The following LRRFIP2 variants were observed in gnomAD, a reference collection of about 807,000 sequenced individuals.
The protein encoded by LRRFIP2 is leucine-rich repeat flightless-interacting protein 2.
LRRFIP2 carries 109 observed loss-of-function variants against 125.9 expected under a neutral mutation model. That is an observed-to-expected ratio of 0.87 (90% CI 0.74 to 1.01). LRRFIP2 has a LOEUF of 1.01. Ranked by LOEUF, LRRFIP2 falls within the 50% of genes least tolerant of loss-of-function variation. LRRFIP2 has a pLI of 0.00. For synonymous variants in LRRFIP2, 291 were observed against 293.1 expected (o/e 0.99, Z 0.07); for missense variants, 850 against 862.3 (o/e 0.99, Z 0.18).
chr3:37,100,761 T>C (rs1326718449), intron 15 of LRRFIP2, among the ~76,000 whole-genome samples: 1 of 152,162 alleles, frequency 6.6e-6, no homozygotes. Context: ...TAATTGTCCA[T>C]ACTTATGGGG....
chr3:37,152,345 T>C (rs751804510), intron 1 of LRRFIP2, among the ~76,000 whole-genome samples: 15 of 152,150 alleles, frequency 9.9e-5, no homozygotes, highest in Admixed American at 6.5e-4. Flanking sequence ...GGGTACACCA[T>C]AAACTGCTTG....
At chr3:37,110,250 T>TTGTA (rs2094500794) in intron 9 of LRRFIP2, among the ~76,000 whole-genome samples, 1 of 152,232 alleles carries the variant, frequency 6.6e-6, no homozygotes, top group Non-Finnish European at 1.5e-5. Flanking sequence ...ATTAGATAAA[T>TTGTA]TGTACTAGTC....
intron 2 of LRRFIP2, among the ~76,000 whole-genome samples, chr3:37,144,941 A>T (rs926811717): frequency 9.2e-5 from 14 of 152,170 alleles, no homozygotes; most frequent in African/African-American, 3.4e-4. Flanking sequence ...GGTAGCAAAG[A>T]CTCAGAGTTC....
chr3:37,055,192 T>C (rs777889269), intron 25 of LRRFIP2, 27 bp from the exon 26 acceptor site: 2 of 1,384,232 alleles, frequency 1.4e-6, no homozygotes, highest in Admixed American at 4.3e-5. Context: ...CAATGAATTA[T>C]CTTCACCTGT....
At chr3:37,080,614 T>C (rs982429693) in intron 19 of LRRFIP2, among the ~76,000 whole-genome samples, 3 of 152,118 alleles carry the variant, frequency 2.0e-5, no homozygotes, top group South Asian at 4.1e-4. Flanking sequence ...ACTGAAGTTA[T>C]ATTTGATTAA....
At chr3:37,055,017 C>T (rs2086414657) in intron 26 of LRRFIP2, 69 bp downstream of exon 26, 1 of 1,003,656 alleles carries the variant, frequency 1.0e-6, no homozygotes, top group Non-Finnish European at 1.5e-6. Context: ...CCCAGGCACT[C>T]ATGGGTTGTT....
Position 37,054,830 on chromosome 3 carries a change from G to C in LRRFIP2, c.1950+256C>G, listed in dbSNP as rs553000445. On this transcript the variant is annotated intron_variant, in intron 26 of 27. Transcript: ENST00000336686. ...AAAGTTCTTACACTTTTTGGAATGCGTAAGGGATTTTATTACAAATGATGA... is the reference window on the plus strand; with the variant it reads ...AAAGTTCTTACACTTTTTGGAATGCCTAAGGGATTTTATTACAAATGATGA... Among the ~76,000 whole-genome samples, 23 of 152,302 alleles carry C rather than the reference G, an allele frequency of 1.5e-4. No individual in the cohort carries two copies. In the South Asian group the frequency reaches 3.9e-3, roughly 26 times the overall value.
intron 1 of LRRFIP2, chr3:37,170,269 A>T (rs1436256973): frequency 1.3e-5 from 2 of 152,204 alleles, no homozygotes; most frequent in Non-Finnish European, 2.9e-5. Context: ...CTTGACCGTA[A>T]TACAAAGCTG....
At chr3:37,113,362 T>C (rs1276968380) in intron 7 of LRRFIP2, among the ~76,000 whole-genome samples, 1 of 152,142 alleles carries the variant, frequency 6.6e-6, no homozygotes, top group African/African-American at 2.4e-5. Context: ...GACAGGGGTA[T>C]AGTGGTACAA....
chr3:37,161,144 G>A (rs947281962), intron 1 of LRRFIP2, among the ~76,000 whole-genome samples: 22 of 141,348 alleles, frequency 1.6e-4, no homozygotes, highest in African/African-American at 5.6e-4. Flanking sequence ...AAGAATTGGA[G>A]ACCAGCCTGG....
intron 21 of LRRFIP2, chr3:37,067,161 C>T (rs961253839): frequency 6.6e-6 from 1 of 152,182 alleles, no homozygotes; most frequent in Non-Finnish European, 1.5e-5. Flanking sequence ...CAAGGTAAAG[C>T]ATTGCCTGTA....
At chr3:37,066,928 T>G (rs1021419854) in intron 21 of LRRFIP2, 1 of 152,494 alleles carries the variant, frequency 6.6e-6, no homozygotes, top group African/African-American at 2.4e-5. Context: ...ACAACTTAAT[T>G]AAATATAACT....
intron 2 of LRRFIP2, among the ~76,000 whole-genome samples, chr3:37,138,258 G>A (rs913994870): frequency 6.6e-6 from 1 of 152,152 alleles, no homozygotes; most frequent in Non-Finnish European, 1.5e-5. Flanking sequence ...TAAACAGAGG[G>A]GAACAGGCTA....
In LRRFIP2 at chr3:37,084,371, A is replaced by T. The variant is rs115644523; in HGVS notation, c.1108-565T>A. On this transcript the variant is annotated intron_variant, in intron 18 of 27. Transcript: ENST00000336686. ...AAGCAACACAAAAATGAATATTAAAAAAAGAGCTTGGCCAGGCACAGTGGC... is the reference window on the plus strand; with the variant it reads ...AAGCAACACAAAAATGAATATTAAATAAAGAGCTTGGCCAGGCACAGTGGC... 3.5e-3 allele frequency among the ~76,000 whole-genome samples: 539 copies of T among 152,278 alleles called. 2 individuals carry two copies. Among genetic ancestry groups the T allele is most frequent in the African/African-American group, 0.012 (506 of 41,554 alleles).
chr3:37,055,427 G>A (rs763433028), intron 25 of LRRFIP2, among the ~76,000 whole-genome samples: 2 of 152,094 alleles, frequency 1.3e-5, no homozygotes, highest in Non-Finnish European at 1.5e-5. Context: ...TTAGCTGGGC[G>A]TGGTGGCACA....
At chr3:37,078,519 T>C (rs919690020) in intron 19 of LRRFIP2, among the ~76,000 whole-genome samples, 2 of 152,112 alleles carry the variant, frequency 1.3e-5, no homozygotes, top group African/African-American at 2.4e-5. Context: ...CAAACAAAGA[T>C]ACAGATGTAA....
At chr3:37,155,924 G>C (rs2150138774) in intron 1 of LRRFIP2, among the ~76,000 whole-genome samples, 1 of 152,194 alleles carries the variant, frequency 6.6e-6, no homozygotes. Flanking sequence ...TCCCAGGCTG[G>C]AGTGCAATAG....
rs937887198 is a variant in LRRFIP2, at chr3:37,105,512, A to T, written c.726T>A (p.Asp242Glu). 2.5e-6 allele frequency: 4 copies of T among 1,613,168 alleles called. No homozygotes were observed. The highest frequency in any genetic ancestry group is 3.4e-6 in the Non-Finnish European group (4 of 1,179,256). Residue 242 changes from aspartate (D) to glutamate (E), a missense_variant, in exon 14 of 28, where the codon GAT (aspartate) becomes GAA (glutamate). By Grantham distance (45) the Asp-to-Glu change is conservative. Transcript: ENST00000336686. ...CAGAAGACACAATGCTTGCAGTGTCATCGTTGGTAAACTATAGATATTAAA... is the reference window on the plus strand; with the variant it reads ...CAGAAGACACAATGCTTGCAGTGTCTTCGTTGGTAAACTATAGATATTAAA... ...SARSSPGFTN[D>E]DTASIVSSDR...
intron 1 of LRRFIP2, among the ~76,000 whole-genome samples, chr3:37,154,043 C>T (rs139247405): frequency 2.0e-5 from 3 of 149,742 alleles, no homozygotes; most frequent in South Asian, 2.1e-4. Flanking sequence ...GACATGTTGA[C>T]GAACACCTGT....
Sources: allele counts gnomAD v4.1 joint callset (sites outside exome capture counted in the v4.1 genomes callset), GRCh38; gene constraint gnomAD v4.1.1; transcripts MANE v1.5; gene names NCBI Gene and HGNC (gene_info 2026-07-23, HGNC 2026-07-21).